ADAMTS9: variants seen among roughly 807,000 people sequenced by gnomAD.
ADAMTS9 encodes A disintegrin and metalloproteinase with thrombospondin motifs 9.
In ADAMTS9, 107 loss-of-function variants were observed where a neutral mutation model predicts 257.1. The ratio of observed to expected loss-of-function variants is 0.42; its 90% CI spans 0.36 to 0.49. ADAMTS9 has a LOEUF of 0.49. ADAMTS9 is among the 20% of genes least tolerant of loss of function. The probability of loss-of-function intolerance (pLI) is 0.03; values close to 1 mark genes in which losing one functional copy is unlikely to be tolerated. For synonymous variants in ADAMTS9, 982 were observed against 880.9 expected, an observed-to-expected ratio of 1.11 and a Z score of -2.03; for missense variants, 2,353 against 2,469.1, an observed-to-expected ratio of 0.95 and a Z score of 1.00.
At chr3:64,539,134 C>A in intron 37 of ADAMTS9, 69 bp downstream of exon 37, 1 of 1,461,032 alleles carries the variant, frequency 6.8e-7, no homozygotes, top group Admixed American at 1.7e-5. Flanking sequence ...GGAACAGATG[C>A]AACTGAGGAT....
intron 8 of ADAMTS9, among the ~76,000 whole-genome samples, chr3:64,652,461 G>A (rs2106950409): frequency 6.6e-6 from 1 of 152,228 alleles, no homozygotes; most frequent in Non-Finnish European, 1.5e-5. Flanking sequence ...TGCAATACCT[G>A]CATCAACAAA....
At chr3:64,577,180 A>T (rs1048360555) in intron 28 of ADAMTS9, among the ~76,000 whole-genome samples, 1 of 152,170 alleles carries the variant, frequency 6.6e-6, no homozygotes, top group African/African-American at 2.4e-5. Flanking sequence ...AAATCTGCAA[A>T]TGTAGCACCT....
chr3:64,576,429 CAG>C (rs1319995608), intron 28 of ADAMTS9, among the ~76,000 whole-genome samples: 1 of 152,044 alleles, frequency 6.6e-6, no homozygotes, highest in Non-Finnish European at 1.5e-5. Flanking sequence ...TGAACTCACT[CAG>C]GGGAGGTTTT....
At chr3:64,625,023 G>A (rs1012918423) in intron 16 of ADAMTS9, among the ~76,000 whole-genome samples, 11 of 152,174 alleles carry the variant, frequency 7.2e-5, no homozygotes, top group Non-Finnish European at 8.8e-5. Context: ...CCCCCTTACC[G>A]TCTGTAATTT....
intron 25 of ADAMTS9, among the ~76,000 whole-genome samples, chr3:64,602,841 A>G (rs888479776): frequency 6.6e-6 from 1 of 152,000 alleles, no homozygotes; most frequent in Non-Finnish European, 1.5e-5. Context: ...ATACTTCCTT[A>G]TTTGTTCATT....
intron 4 of ADAMTS9, among the ~76,000 whole-genome samples, chr3:64,656,773 G>A (rs919550890): frequency 2.0e-5 from 3 of 151,986 alleles, no homozygotes; most frequent in Admixed American, 6.6e-5. Context: ...GGGCACGGAG[G>A]CCAGGCAGGG....
At chr3:64,642,956 G>A (rs533479219) in intron 11 of ADAMTS9, among the ~76,000 whole-genome samples, 1 of 152,270 alleles carries the variant, frequency 6.6e-6, no homozygotes, top group South Asian at 2.1e-4. Context: ...GGGAATAGCA[G>A]GCCCCACCCC....
chr3:64,616,235 A>C, intron 19 of ADAMTS9, 65 bp from the exon 20 acceptor site: 1 of 1,532,734 alleles, frequency 6.5e-7, no homozygotes, highest in South Asian at 1.1e-5. Context: ...TCTATAGTCA[A>C]CTGGTATTCA....
intron 32 of ADAMTS9, among the ~76,000 whole-genome samples, chr3:64,544,695 T>C (rs1161631427): frequency 6.6e-6 from 1 of 152,168 alleles, no homozygotes; most frequent in Non-Finnish European, 1.5e-5. Context: ...ATTCAGGACA[T>C]AGGCATGGGC....
chr3:64,624,397 G>A (rs983652447), intron 16 of ADAMTS9, among the ~76,000 whole-genome samples: 1 of 152,110 alleles, frequency 6.6e-6, no homozygotes, highest in Admixed American at 6.6e-5. Context: ...ATTTCACACT[G>A]TATAGGAGTA....
intron 4 of ADAMTS9, among the ~76,000 whole-genome samples, chr3:64,656,732 T>A (rs1312585488): frequency 6.6e-6 from 1 of 151,850 alleles, no homozygotes; most frequent in East Asian, 1.9e-4. Context: ...GGCTGGAGTA[T>A]CTGGGACTGA....
intron 29 of ADAMTS9, among the ~76,000 whole-genome samples, chr3:64,564,413 G>C (rs1421654209): frequency 6.6e-6 from 1 of 152,080 alleles, no homozygotes; most frequent in Non-Finnish European, 1.5e-5. Flanking sequence ...TTTCTTCCAG[G>C]ATTACTGCTG....
At chr3:64,541,276 G>A (rs1229860331) in intron 35 of ADAMTS9, 44 bp downstream of exon 35, 1 of 1,613,824 alleles carries the variant, frequency 6.2e-7, no homozygotes, top group South Asian at 1.1e-5. Flanking sequence ...AGCATTTCCA[G>A]GGATCTCCAG....
chr3:64,555,661 G>A (rs1175214119), intron 30 of ADAMTS9, among the ~76,000 whole-genome samples: 1 of 152,156 alleles, frequency 6.6e-6, no homozygotes, highest in Admixed American at 6.5e-5. Flanking sequence ...AACACAACGG[G>A]GCAATTCCCA....
intron 28 of ADAMTS9, chr3:64,583,822 C>T (rs2084069739): frequency 6.6e-6 from 1 of 152,136 alleles, no homozygotes; most frequent in Non-Finnish European, 1.5e-5. Context: ...TGCTGAACAT[C>T]CGCTCAATGA....
chr3:64,578,516 G>A (rs1301890542), intron 28 of ADAMTS9, among the ~76,000 whole-genome samples: 1 of 152,166 alleles, frequency 6.6e-6, no homozygotes, highest in Non-Finnish European at 1.5e-5. Context: ...TGAATACGGT[G>A]TTAGGACAGT....
In ADAMTS9 at chr3:64,607,012, G is replaced by A. The variant is rs2084567560; in HGVS notation, c.3422C>T (p.Ser1141Leu). 6.2e-7 allele frequency: 1 copy of A among 1,613,906 alleles called. No homozygotes were observed. ...ATTACAGTCATTGTCATCTACCACT[G>A]ACATATAAGTCCCAATGATGCATTT... ...AVKCIIGTYM[S>L]VVDDNDCNAA... Residue 1141 changes from serine to leucine, a missense_variant, in exon 23 of 40, where the codon TCA becomes TTA. Transcript: ENST00000498707.
intron 3 of ADAMTS9, among the ~76,000 whole-genome samples, chr3:64,662,964 G>A (rs934245816): frequency 3.9e-5 from 6 of 152,142 alleles, no homozygotes; most frequent in African/African-American, 1.4e-4. Context: ...ATGTGTATGA[G>A]GTGTATATGA....
chr3:64,547,303 T>G (rs2083213317), intron 31 of ADAMTS9, among the ~76,000 whole-genome samples: 1 of 151,330 alleles, frequency 6.6e-6, no homozygotes, highest in Admixed American at 6.6e-5. Context: ...GTTGGCAAAC[T>G]GCTCTTTTCT....
Sources: gnomAD v4.1 joint callset for allele counts (sites outside exome capture counted in the v4.1 genomes callset) on GRCh38, gnomAD v4.1.1 for gene constraint, MANE v1.5 for transcripts, NCBI Gene and HGNC (gene_info 2026-07-23, HGNC 2026-07-21) for gene names.